NKAIN3: variants seen among roughly 807,000 people sequenced by gnomAD.
NKAIN3 encodes sodium/potassium transporting ATPase interacting 3, also known as sodium/potassium-transporting ATPase subunit beta-1-interacting protein 3.
NKAIN3 carries 25 observed loss-of-function variants against 30.2 expected under a neutral mutation model. The ratio of observed to expected loss-of-function variants is 0.83; its 90% CI spans 0.60 to 1.16. The LOEUF is 1.16. NKAIN3 is among the 50% of genes most tolerant of loss of function. NKAIN3 has a pLI of 0.00. For missense variants in NKAIN3, 225 were observed against 254.1 expected (o/e 0.89, Z 0.78); for synonymous variants, 91 against 89.6 (o/e 1.02, Z -0.09).
chr8:62,393,185 A>G (rs1471713247), intron 1 of NKAIN3, among the ~76,000 whole-genome samples: 3 of 152,096 alleles, frequency 2.0e-5, no homozygotes, highest in Non-Finnish European at 4.4e-5. Context: ...GGTATTGAGG[A>G]AATTGATAAA....
chr8:62,501,389 C>T (rs868652859), intron 1 of NKAIN3, among the ~76,000 whole-genome samples: 10 of 152,142 alleles, frequency 6.6e-5, no homozygotes, highest in East Asian at 1.9e-4. Flanking sequence ...ACATTGATTT[C>T]GTTCCTTTTG....
rs1031356140 is a variant in NKAIN3, at chr8:62,616,014, G to T, written c.273+26220G>T. 3.9e-5 allele frequency among the ~76,000 whole-genome samples: 6 copies of T among 152,254 alleles called. No individual in the cohort carries two copies. In the East Asian group the frequency reaches 1.2e-3, roughly 29 times the overall value. On this transcript the variant is annotated intron_variant, in intron 3 of 6. Coordinates refer to ENST00000623646, the MANE Select transcript of NKAIN3 (RefSeq NM_001304533.3). ...GTTAACTTGGTGTTCTTGCTGAAGG[G>T]ATGATCGGTGGCGTTTTCTATTCCA...
intron 4 of NKAIN3, among the ~76,000 whole-genome samples, chr8:62,819,797 A>C (rs1818797048): frequency 6.6e-6 from 1 of 152,086 alleles, no homozygotes; most frequent in Admixed American, 6.6e-5. Flanking sequence ...TCTGGGAATA[A>C]GCTGATAAGA....
intron 3 of NKAIN3, among the ~76,000 whole-genome samples, chr8:62,643,959 T>C (rs1265015921): frequency 1.3e-5 from 2 of 152,092 alleles, no homozygotes; most frequent in African/African-American, 4.8e-5. Flanking sequence ...TCAGACTACA[T>C]TTTCATGGAT....
chr8:62,684,028 C>T (rs937002101), intron 3 of NKAIN3, among the ~76,000 whole-genome samples: 6 of 152,192 alleles, frequency 3.9e-5, no homozygotes, highest in African/African-American at 1.4e-4. Flanking sequence ...ACTCCCACTA[C>T]AACCTTACCT....
chr8:62,887,058 T>A (rs1394935903), intron 4 of NKAIN3, among the ~76,000 whole-genome samples: 1 of 152,174 alleles, frequency 6.6e-6, no homozygotes, highest in East Asian at 1.9e-4. Flanking sequence ...CTTTATCCTG[T>A]CTATTATTGA....
intron 3 of NKAIN3, among the ~76,000 whole-genome samples, chr8:62,592,946 A>G (rs1023359913): frequency 2.0e-5 from 3 of 151,990 alleles, no homozygotes; most frequent in African/African-American, 7.2e-5. Context: ...AGAATACATG[A>G]GGTAAAAACT....
chr8:62,354,588 C>T (rs1469510381), intron 1 of NKAIN3, among the ~76,000 whole-genome samples: 1 of 152,106 alleles, frequency 6.6e-6, no homozygotes, highest in African/African-American at 2.4e-5. Context: ...GGACTACAGG[C>T]ATGTGCCACT....
chr8:62,629,333 G>A (rs10957230), intron 3 of NKAIN3, among the ~76,000 whole-genome samples: 3,097 of 152,012 alleles, frequency 0.02, 88 homozygotes, highest in African/African-American at 0.069. Context: ...TTAATTAGCC[G>A]CTCTATGGCT....
At chr8:62,383,586 T>G (rs1181876096) in intron 1 of NKAIN3, 1 of 446,460 alleles carries the variant, frequency 2.2e-6, no homozygotes, top group Non-Finnish European at 4.5e-6. Context: ...AGAACATGCT[T>G]CTCCTGTTAT....
intron 1 of NKAIN3, among the ~76,000 whole-genome samples, chr8:62,576,361 T>C (rs559244200): frequency 6.6e-6 from 1 of 152,272 alleles, no homozygotes; most frequent in Non-Finnish European, 1.5e-5. Context: ...TTACTGCCTT[T>C]AGATTTTCTT....
At chr8:62,604,903 G>C (rs1038468012) in intron 3 of NKAIN3, among the ~76,000 whole-genome samples, 1 of 152,006 alleles carries the variant, frequency 6.6e-6, no homozygotes, top group African/African-American at 2.4e-5. Context: ...TCTGGTTATC[G>C]TCCATAATCT....
chr8:62,585,136 A>C (rs958863845), intron 2 of NKAIN3, among the ~76,000 whole-genome samples: 3 of 152,306 alleles, frequency 2.0e-5, no homozygotes, highest in Admixed American at 2.0e-4. Context: ...GAGGGAATTA[A>C]TTATATGATA....
chr8:62,878,888 C>G (rs1820884978), intron 4 of NKAIN3, among the ~76,000 whole-genome samples: 1 of 152,138 alleles, frequency 6.6e-6, no homozygotes, highest in Non-Finnish European at 1.5e-5. Context: ...ATATGTGCTA[C>G]ATTTTCTTAA....
In NKAIN3 at chr8:62,984,075, G is replaced by A. The variant is rs1824149154; in HGVS notation, c.*18668G>A. ...ACACATCTTTGGGTTTTTCATTATT[G>A]TTTCTAAAAACTAGATATTATTGCT... On this transcript the variant is annotated 3_prime_UTR_variant, in exon 7 of 7. Transcript: ENST00000623646. 6.6e-6 allele frequency: 1 copy of A among 152,106 alleles called. No homozygotes were observed. Among genetic ancestry groups the A allele is most frequent in the Admixed American group, 6.5e-5 (1 of 15,276 alleles). The allele number at this position is 152,106 out of a possible 1,614,324, so 9.4% of individuals were successfully genotyped here.
At chr8:62,847,635 A>T (rs934035374) in intron 4 of NKAIN3, among the ~76,000 whole-genome samples, 2 of 151,892 alleles carry the variant, frequency 1.3e-5, no homozygotes. Context: ...TGTAGGTTGT[A>T]TTTGCTCTGT....
Position 62,802,756 on chromosome 8 carries a change from A to T in NKAIN3, c.471+55627A>T, listed in dbSNP as rs1254766134. ...ATCATAATGACAGGATCAAATTCAC[A>T]CATAACAATATTAACTTTAAATGTA... On this transcript the variant is annotated intron_variant, in intron 4 of 6. Coordinates refer to ENST00000623646, the MANE Select transcript of NKAIN3 (RefSeq NM_001304533.3). Among the ~76,000 whole-genome samples the T allele has an allele frequency of 2.0e-5, 3 of 152,328 alleles. No individual in the cohort carries two copies. In the East Asian group the frequency reaches 5.8e-4, roughly 29 times the overall value.
chr8:62,479,329 CA>C (rs1806629715), intron 1 of NKAIN3, among the ~76,000 whole-genome samples: 1 of 152,168 alleles, frequency 6.6e-6, no homozygotes, highest in Admixed American at 6.5e-5. Flanking sequence ...GCCCCCTAAG[CA>C]ACCCAGCAAG....
chr8:62,290,420 G>A (rs1173026988), intron 1 of NKAIN3, among the ~76,000 whole-genome samples: 3 of 152,036 alleles, frequency 2.0e-5, no homozygotes, highest in African/African-American at 2.4e-5. Flanking sequence ...ACGTCCCAGC[G>A]ATACCTGATT....
Sources: allele counts gnomAD v4.1 joint callset (sites outside exome capture counted in the v4.1 genomes callset), GRCh38; gene constraint gnomAD v4.1.1; transcripts MANE v1.5; gene names NCBI Gene and HGNC (gene_info 2026-07-23, HGNC 2026-07-21).